Variants in MOV10L1 observed in about 807,000 individuals in gnomAD.
The protein encoded by MOV10L1 is RNA helicase Mov10l1.
A neutral mutation model predicts 143.8 loss-of-function variants in MOV10L1; 110 were observed. That is an observed-to-expected ratio of 0.76 (90% CI 0.66 to 0.90). MOV10L1 has a LOEUF of 0.90. Among genes scored for constraint, MOV10L1 ranks in the 40% least tolerant of loss-of-function variants. The pLI is 0.00. For missense variants in MOV10L1, 1,406 were observed against 1,526.8 expected, an observed-to-expected ratio of 0.92 and a Z score of 1.32; for synonymous variants, 593 against 581.1, an observed-to-expected ratio of 1.02 and a Z score of -0.29.
intron 10 of MOV10L1, among the ~76,000 whole-genome samples, chr22:50,123,550 G>C (rs1056547213): frequency 5.3e-5 from 8 of 152,166 alleles, no homozygotes; most frequent in African/African-American, 1.9e-4. Flanking sequence ...ATATGCTGCT[G>C]AATTTTGTGT....
At chr22:50,122,821 G>A (rs1030322823) in intron 10 of MOV10L1, among the ~76,000 whole-genome samples, 5 of 145,972 alleles carry the variant, frequency 3.4e-5, no homozygotes, top group East Asian at 2.0e-4. Flanking sequence ...CTCTCCTGTC[G>A]CCCAGGCTGG....
At position 50,128,396 on chromosome 22, in the gene MOV10L1, A is replaced by G; in HGVS notation, c.1819-20A>G. 1.6e-6 allele frequency: 2 copies of G among 1,256,638 alleles called. No homozygotes were observed. The highest frequency in any genetic ancestry group is 4.6e-5 in the East Asian group (2 of 43,192). 77.8% of individuals were successfully genotyped at this position (1,256,638 alleles called of 1,614,324 possible). ...CACATTATTTCAAGAAATCAGGTAT[A>G]TTGTTTGTTCCTTTTTTAGATTCAT... is the stretch of plus-strand genomic sequence containing the variant. On this transcript the variant is annotated intron_variant, in intron 12 of 26. Coordinates refer to ENST00000262794, the MANE Select transcript of MOV10L1 (RefSeq NM_018995.3).
At chr22:50,143,420 A>G (rs958523768) in intron 17 of MOV10L1, 199 bp downstream of exon 17, 6 of 613,550 alleles carry the variant, frequency 9.8e-6, no homozygotes, top group Admixed American at 2.9e-5. Context: ...TTAGAAGGAA[A>G]CTCATTTTTA....
In MOV10L1 at chr22:50,158,211, G is replaced by T. The variant is rs764959462; in HGVS notation, c.3216+5G>T. ...ATCACGCCCTACCGGAAGCAGGTAC[G>T]CCCTGCCCAGGCACGCCTGGTTCTG... On this transcript the variant is annotated splice_donor_5th_base_variant and intron_variant, in intron 23 of 26. Coordinates refer to ENST00000262794, the MANE Select transcript of MOV10L1 (RefSeq NM_018995.3). The surrounding 1 kb of genome is among the most constrained non-coding windows in gnomAD (Gnocchi z 5.0). The T allele has an allele frequency of 1.2e-6, 2 of 1,614,000 alleles. No individual in the cohort carries two copies. The highest frequency in any genetic ancestry group is 1.7e-5 in the Admixed American group (1 of 60,024).
intron 4 of MOV10L1, 37 bp from the exon 5 acceptor site, chr22:50,108,620 C>T (rs2061938866): frequency 1.2e-6 from 2 of 1,608,636 alleles, no homozygotes; most frequent in Non-Finnish European, 1.7e-6. Context: ...CGTCATGCAG[C>T]ATCTGCTTCC....
At chr22:50,102,616 A>G (rs1367310568) in intron 3 of MOV10L1, among the ~76,000 whole-genome samples, 1 of 152,104 alleles carries the variant, frequency 6.6e-6, no homozygotes, top group East Asian at 1.9e-4. Flanking sequence ...AATAATTAGC[A>G]TCAGGCCTGG....
intron 22 of MOV10L1, among the ~76,000 whole-genome samples, chr22:50,155,273 T>TTG (rs1161212011): frequency 6.6e-6 from 1 of 151,100 alleles, no homozygotes; most frequent in African/African-American, 2.4e-5. Flanking sequence ...GTTTTTTTTT[T>TTG]TTTTTGAGAC....
chr22:50,092,652 CA>C (rs1424628642), intron 2 of MOV10L1: 1 of 157,226 alleles, frequency 6.4e-6, no homozygotes, highest in Non-Finnish European at 1.4e-5. Flanking sequence ...AATAAACAAA[CA>C]GCAGTCTTTG....
At chr22:50,116,998 G>C (rs1382209995) in intron 8 of MOV10L1, among the ~76,000 whole-genome samples, 159 bp from the exon 9 acceptor site, 1 of 152,076 alleles carries the variant, frequency 6.6e-6, no homozygotes, top group East Asian at 1.9e-4. Context: ...TAATTACATA[G>C]CTTATTTTAG....
At chr22:50,150,643 C>A in intron 20 of MOV10L1, 92 bp from the exon 21 acceptor site, 2 of 1,406,432 alleles carry the variant, frequency 1.4e-6, no homozygotes, top group Non-Finnish European at 9.7e-7. Context: ...GAGCATGGGG[C>A]CATCCTGCGC....
intron 3 of MOV10L1, among the ~76,000 whole-genome samples, chr22:50,100,104 G>T (rs2062700673): frequency 6.6e-6 from 1 of 152,020 alleles, no homozygotes; most frequent in South Asian, 2.1e-4. Context: ...TGATTCTCCT[G>T]CCTCAGCCTC....
At chr22:50,100,378 A>G (rs1019516541) in intron 3 of MOV10L1, among the ~76,000 whole-genome samples, 1 of 152,194 alleles carries the variant, frequency 6.6e-6, no homozygotes, top group Admixed American at 6.5e-5. Context: ...TGTTGCTTCC[A>G]TATAATTATA....
chr22:50,136,305 T>C (rs2062822636), intron 15 of MOV10L1, among the ~76,000 whole-genome samples: 1 of 152,222 alleles, frequency 6.6e-6, no homozygotes, highest in African/African-American at 2.4e-5. Context: ...GGTGTTACTA[T>C]TTAGGTGGGC....
Position 50,108,262 on chromosome 22 carries a change from T to C in MOV10L1, c.555+14T>C. 6.2e-7 allele frequency: 1 copy of C among 1,600,992 alleles called. No individual in the cohort carries two copies. The highest frequency in any genetic ancestry group is 1.3e-5 in the African/African-American group (1 of 74,804). On this transcript the variant is annotated intron_variant, in intron 4 of 26. Coordinates refer to ENST00000262794, the MANE Select transcript of MOV10L1 (RefSeq NM_018995.3). The stretch of plus-strand genomic sequence containing the variant: ...CGCGTGGACAAGGTAGCGTGCCGAC[T>C]AGTGGCTCCTCTCTGTGCTTCTGGC...
intron 19 of MOV10L1, among the ~76,000 whole-genome samples, chr22:50,148,377 C>T (rs1232053826): frequency 6.6e-6 from 1 of 152,172 alleles, no homozygotes; most frequent in Non-Finnish European, 1.5e-5. Flanking sequence ...AGAAACAGAT[C>T]ATGTGCCGAG....
At chr22:50,144,867 C>T (rs955711211) in intron 18 of MOV10L1, among the ~76,000 whole-genome samples, 9 of 152,152 alleles carry the variant, frequency 5.9e-5, no homozygotes, top group Non-Finnish European at 8.8e-5. Context: ...AGGCGTGAGC[C>T]ACCGTGCCCG....
At chr22:50,157,963 G>T in intron 22 of MOV10L1, 94 bp from the exon 23 acceptor site, 1 of 1,405,816 alleles carries the variant, frequency 7.1e-7, no homozygotes, top group Non-Finnish European at 9.8e-7. Context: ...GTCATATTCA[G>T]TGTGTATTCC....
Position 50,143,025 on chromosome 22 carries a change from T to C in MOV10L1, c.2180-18T>C. ...AGCTGTTTGCATCTAACTGAAACTT[T>C]CTTCACTTTGAATACAGTAGATGAA... On this transcript the variant is annotated intron_variant, in intron 16 of 26. Transcript: ENST00000262794. 2.5e-6 allele frequency: 4 copies of C among 1,611,274 alleles called. No homozygotes were observed. Among genetic ancestry groups the C allele is most frequent in the South Asian group, 1.1e-5 (1 of 91,012 alleles).
intron 15 of MOV10L1, among the ~76,000 whole-genome samples, chr22:50,141,451 G>A (rs2062984312): frequency 6.7e-6 from 1 of 150,370 alleles, no homozygotes; most frequent in Non-Finnish European, 1.5e-5. Context: ...ACCTCAGCCT[G>A]CCAAGTAGCT....
Sources: allele counts gnomAD v4.1 joint callset (sites outside exome capture counted in the v4.1 genomes callset), GRCh38; gene constraint gnomAD v4.1.1; non-coding constraint Gnocchi (gnomAD v3.1); transcripts MANE v1.5; gene names NCBI Gene and HGNC (gene_info 2026-07-23, HGNC 2026-07-21).